The following FYB2 variants were observed in gnomAD, a reference collection of about 807,000 sequenced individuals.
FYB2 encodes FYN-binding protein 2.
In FYB2, 103 loss-of-function variants were observed where a neutral mutation model predicts 94.1. The observed-to-expected ratio is 1.09, with a 90% CI of 0.93 to 1.29. The LOEUF is 1.29. FYB2 is among the 50% of genes most tolerant of loss of function. The pLI is 0.00. For synonymous variants in FYB2, 293 were observed against 287.9 expected (o/e 1.02, Z -0.18); for missense variants, 896 against 841.5 (o/e 1.06, Z -0.80).
rs1341450725 is a variant in FYB2 at position 56,723,643 on chromosome 1, T to C, written c.1919A>G (p.Asn640Ser). ...PRNFFKTKKQNLEKNRMKREE... is the reference protein window; with the variant it reads ...PRNFFKTKKQSLEKNRMKREE... ...TCTTTTCATTCTGTTCTTTTCTAAG[T>C]TTTGCTTCTTGGTTTTGAAGAAATT... Residue 640 changes from asparagine to serine, a missense_variant, in exon 17 of 20, where the codon AAC becomes AGC. Asn to Ser is a conservative substitution (Grantham distance 46). Coordinates refer to ENST00000343433, the MANE Select transcript of FYB2 (RefSeq NM_001004303.5). 1 of 1,573,142 alleles carries C rather than the reference T, an allele frequency of 6.4e-7. No individual in the cohort carries two copies. Among genetic ancestry groups the C allele is most frequent in the Admixed American group, 1.7e-5 (1 of 58,828 alleles).
Position 56,726,491 on chromosome 1 carries a change from T to G in FYB2, c.1880+6A>C. On this transcript the variant is annotated splice_donor_region_variant and intron_variant, in intron 16 of 19. Coordinates refer to ENST00000343433, the MANE Select transcript of FYB2 (RefSeq NM_001004303.5). Reference sequence around the variant, plus strand: ...AGCTATAATAGAAGTGCCTCTGTGTTCCCACCTTTCTGATTCTTCAGCACC... The same window carrying G: ...AGCTATAATAGAAGTGCCTCTGTGTGCCCACCTTTCTGATTCTTCAGCACC... The G allele has an allele frequency of 1.2e-6, 2 of 1,610,636 alleles. No homozygotes were observed. Among genetic ancestry groups the G allele is most frequent in the Non-Finnish European group, 1.7e-6 (2 of 1,178,208 alleles).
At chr1:56,742,429 TAA>T (rs568569121) in intron 11 of FYB2, among the ~76,000 whole-genome samples, 98 of 152,186 alleles carry the variant, frequency 6.4e-4, no homozygotes, top group African/African-American at 2.3e-3. Context: ...AAATGAAAAT[TAA>T]GACTCATTTC....
At chr1:56,818,357 C>T (rs1295387104) in intron 1 of FYB2, among the ~76,000 whole-genome samples, 1 of 151,640 alleles carries the variant, frequency 6.6e-6, no homozygotes, top group Non-Finnish European at 1.5e-5. Context: ...AAAATGGATC[C>T]TCTGCCCTGA....
intron 17 of FYB2, 151 bp downstream of exon 17, chr1:56,723,437 A>G (rs1437492106): frequency 4.0e-6 from 2 of 497,482 alleles, no homozygotes; most frequent in African/African-American, 4.1e-5. Context: ...ATGTACCAGG[A>G]AAAAATAGGA....
At chr1:56,780,218 C>A (rs563868149) in intron 4 of FYB2, among the ~76,000 whole-genome samples, 3 of 152,274 alleles carry the variant, frequency 2.0e-5, no homozygotes, top group Admixed American at 6.5e-5. Context: ...TCAATCATGA[C>A]TTTTCTGGCT....
chr1:56,757,246 G>A (rs1357291558), intron 6 of FYB2, among the ~76,000 whole-genome samples: 1 of 152,070 alleles, frequency 6.6e-6, no homozygotes, highest in Non-Finnish European at 1.5e-5. Flanking sequence ...GGTACATGAA[G>A]CATTTTAATA....
rs1027048092 is a variant in FYB2, at chr1:56,742,050, G to A, written c.1604+111C>T. 1.3e-5 allele frequency: 10 copies of A among 766,502 alleles called. No individual in the cohort carries two copies. The African/African-American group carries it at 1.4e-4, about 11-fold the overall frequency. The allele number at this position is 766,502 out of a possible 1,614,324, so 47.5% of individuals were successfully genotyped here. A position where few individuals can be genotyped will look rare whatever the true frequency, so the allele number is the denominator to read the frequency against. On this transcript the variant is annotated intron_variant, in intron 12 of 19. Transcript: ENST00000343433. ...TTCCTAAAAGATGATGATGGGAGTC[G>A]GGGGTGGCAGTGGGGCTGGGGGGCG...
intron 4 of FYB2, among the ~76,000 whole-genome samples, chr1:56,785,558 A>T (rs527416166): frequency 6.6e-6 from 1 of 152,192 alleles, no homozygotes; most frequent in Non-Finnish European, 1.5e-5. Context: ...TGCGTCTAAC[A>T]CCACACTACC....
intron 4 of FYB2, among the ~76,000 whole-genome samples, chr1:56,776,931 T>C (rs1645890862): frequency 6.6e-6 from 1 of 152,008 alleles, no homozygotes; most frequent in Non-Finnish European, 1.5e-5. Context: ...CTATTTCCTA[T>C]ATTAGAAAAT....
intron 4 of FYB2, among the ~76,000 whole-genome samples, chr1:56,778,960 G>A (rs1199710192): frequency 2.6e-5 from 4 of 152,120 alleles, no homozygotes; most frequent in East Asian, 3.9e-4. Context: ...TCTGCATGAC[G>A]AGAAGGAGCC....
intron 1 of FYB2, among the ~76,000 whole-genome samples, chr1:56,804,297 A>G (rs1570225635): frequency 6.6e-6 from 1 of 152,234 alleles, no homozygotes; most frequent in African/African-American, 2.4e-5. Flanking sequence ...GTAATACTCA[A>G]TAAGTATTTA....
At chr1:56,752,232 C>G (rs1645216920) in intron 8 of FYB2, among the ~76,000 whole-genome samples, 1 of 151,962 alleles carries the variant, frequency 6.6e-6, no homozygotes, top group Admixed American at 6.6e-5. Flanking sequence ...GGCTTTATTT[C>G]TTAACCATTA....
intron 1 of FYB2, among the ~76,000 whole-genome samples, chr1:56,800,387 A>G (rs1189517809): frequency 6.6e-6 from 1 of 152,226 alleles, no homozygotes; most frequent in Non-Finnish European, 1.5e-5. Flanking sequence ...AGGGATAGGA[A>G]CAACAGAACT....
chr1:56,754,605 T>A (rs1460138265), intron 7 of FYB2, among the ~76,000 whole-genome samples: 2 of 152,100 alleles, frequency 1.3e-5, no homozygotes, highest in Admixed American at 1.3e-4. Context: ...TGCTGTGTAA[T>A]CCATGATAGG....
At chr1:56,726,396 A>T in intron 16 of FYB2, 101 bp downstream of exon 16, 1 of 1,049,950 alleles carries the variant, frequency 9.5e-7, no homozygotes, top group Non-Finnish European at 1.4e-6. Context: ...TAGATGAAAC[A>T]GCTGAGAATC....
rs751452629 is a variant in FYB2 at position 56,792,490 on chromosome 1, G to T, written c.323C>A (p.Ser108Ter). 6.2e-7 allele frequency: 1 copy of T among 1,614,010 alleles called. No individual in the cohort carries two copies. The highest frequency in any genetic ancestry group is 1.3e-5 in the African/African-American group (1 of 74,924). The change falls in exon 2 of 20, where the codon TCA becomes TAA. Residue 108 changes from serine (S) to a stop codon, truncating the protein, a stop_gained. Coordinates refer to ENST00000343433, the MANE Select transcript of FYB2 (RefSeq NM_001004303.5). LOFTEE classifies it high-confidence loss of function. The part of the protein sequence containing the change: ...GKSTVCSATS[S>*]QKASLLLEVT... ...CTCTAACAGCAGAGAAGCCTTCTGTGAACTTGTTGCAGAACATACAGTAGA... is the reference window on the plus strand; with the variant it reads ...CTCTAACAGCAGAGAAGCCTTCTGTTAACTTGTTGCAGAACATACAGTAGA...
chr1:56,731,581 C>G (rs563228603), intron 15 of FYB2, among the ~76,000 whole-genome samples: 8 of 152,136 alleles, frequency 5.3e-5, no homozygotes, highest in Non-Finnish European at 8.8e-5. Context: ...CTGGCTTCAT[C>G]ATGTGAAGCC....
At chr1:56,768,431 C>G (rs1645677718) in intron 4 of FYB2, among the ~76,000 whole-genome samples, 1 of 152,214 alleles carries the variant, frequency 6.6e-6, no homozygotes, top group Admixed American at 6.5e-5. Context: ...TAAACGTATC[C>G]GTCCACTCTC....
intron 1 of FYB2, among the ~76,000 whole-genome samples, chr1:56,801,459 C>T (rs1218313782): frequency 6.6e-6 from 1 of 152,216 alleles, no homozygotes; most frequent in African/African-American, 2.4e-5. Context: ...TTACTACTCT[C>T]ATGACAATAA....
Sources: gnomAD v4.1 joint callset for allele counts (sites outside exome capture counted in the v4.1 genomes callset) on GRCh38, gnomAD v4.1.1 for gene constraint, MANE v1.5 for transcripts, NCBI Gene and HGNC (gene_info 2026-07-23, HGNC 2026-07-21) for gene names.